The following BTD variants were observed in gnomAD, a reference collection of about 807,000 sequenced individuals.
BTD encodes the protein biotinidase, also known as biocytinase.
In BTD, 13 loss-of-function variants were observed where a neutral mutation model predicts 17.7. That is an observed-to-expected ratio of 0.74 (90% CI 0.48 to 1.17). The LOEUF (loss-of-function observed/expected upper bound fraction) is 1.17. BTD is among the 50% of genes most tolerant of loss of function. The pLI is 0.00. For missense variants in BTD, 674 were observed against 650.4 expected (o/e 1.04, Z -0.39); for synonymous variants, 240 against 245.2 (o/e 0.98, Z 0.20).
chr3:15,683,550 A>C (rs1037679275), intron 3 of BTD, among the ~76,000 whole-genome samples: 1 of 152,198 alleles, frequency 6.6e-6, no homozygotes, highest in Non-Finnish European at 1.5e-5. Flanking sequence ...AAGAGACTAA[A>C]CTAGCTTGTT....
chr3:15,651,148 T>C lies in BTD; in HGVS notation c.*5660T>C, dbSNP rs948416185. 1.3e-4 allele frequency among the ~76,000 whole-genome samples: 20 copies of C among 152,114 alleles called. No individual in the cohort carries two copies. The highest frequency in any genetic ancestry group is 4.8e-4 in the African/African-American group (20 of 41,418). On this transcript the variant is annotated 3_prime_UTR_variant, in exon 4 of 4. Transcript: ENST00000643237. ...AGGGATGATAGGCTTAGCTCTGACC[T>C]GAAATTCATGGATTGAGGGGTGGGG...
chr3:15,656,570 A>G (rs1194882837), downstream of BTD, among the ~76,000 whole-genome samples: 1 of 152,224 alleles, frequency 6.6e-6, no homozygotes, highest in Non-Finnish European at 1.5e-5. Flanking sequence ...TGCCTTGCTG[A>G]GAAAACTTTT....
chr3:15,630,097 A>G, intron 1 of BTD: 5 of 985,370 alleles, frequency 5.1e-6, no homozygotes, highest in Non-Finnish European at 6.0e-6. Context: ...AACAAATTCA[A>G]AAAGATGCCA....
In BTD at chr3:15,650,591, C is replaced by A. The variant is rs1559604622; in HGVS notation, c.*5103C>A. On this transcript the variant is annotated 3_prime_UTR_variant, in exon 4 of 4. Coordinates refer to ENST00000643237, the MANE Select transcript of BTD (RefSeq NM_001370658.1). ...TTTATCATTTTCTCCCACAGACAGA[C>A]TCTCGTGTAGTTGCAACAATGGCCA... Among the ~76,000 whole-genome samples the A allele has an allele frequency of 6.6e-6, 1 of 152,192 alleles. No homozygotes were observed. The highest frequency in any genetic ancestry group is 2.4e-5 in the African/African-American group (1 of 41,446).
At chr3:15,642,111 T>A in intron 3 of BTD, 54 bp downstream of exon 3, 1 of 1,608,446 alleles carries the variant, frequency 6.2e-7, no homozygotes, top group South Asian at 1.1e-5. Flanking sequence ...GTGATCTAAG[T>A]CAGGGACCAG....
chr3:15,634,902 C>T (rs768568114), intron 1 of BTD, among the ~76,000 whole-genome samples: 3 of 152,172 alleles, frequency 2.0e-5, no homozygotes, highest in Non-Finnish European at 2.9e-5. Flanking sequence ...GTATTTATTA[C>T]TAACCAAAGA....
At chr3:15,671,238 C>T (rs142566183) in intron 3 of BTD, among the ~76,000 whole-genome samples, 3 of 152,114 alleles carry the variant, frequency 2.0e-5, no homozygotes, top group East Asian at 1.9e-4. Flanking sequence ...TGACCTTAGT[C>T]GTAAGTTACC....
At chr3:15,718,377 A>T (rs1467423105) in intron 4 of BTD, among the ~76,000 whole-genome samples, 3 of 152,188 alleles carry the variant, frequency 2.0e-5, no homozygotes, top group African/African-American at 7.2e-5. Context: ...TTTGCTAAAA[A>T]ATTCACTTGT....
chr3:15,706,866 C>A (rs958193164), intron 3 of BTD, among the ~76,000 whole-genome samples: 1 of 152,042 alleles, frequency 6.6e-6, no homozygotes, highest in Non-Finnish European at 1.5e-5. Context: ...TTTCATGTGT[C>A]TGTTGGCTGC....
intron 1 of BTD, among the ~76,000 whole-genome samples, chr3:15,608,791 G>A (rs1410017678): frequency 1.3e-5 from 2 of 151,448 alleles, no homozygotes; most frequent in Non-Finnish European, 2.9e-5. Flanking sequence ...AGAAATCATA[G>A]TATTTCTCCG....
chr3:15,703,736 T>C (rs1185359947), intron 3 of BTD, among the ~76,000 whole-genome samples: 1 of 152,140 alleles, frequency 6.6e-6, no homozygotes, highest in East Asian at 1.9e-4. Flanking sequence ...GAAACAAATA[T>C]CTAAAATGTG....
chr3:15,614,080 T>C (rs1323479769), intron 1 of BTD, among the ~76,000 whole-genome samples: 1 of 151,874 alleles, frequency 6.6e-6, no homozygotes. Context: ...ACATGTGTAA[T>C]GTGTCATGTG....
At position 15,601,883 on chromosome 3, in the gene BTD, C is replaced by T. The variant is rs2125312689; in HGVS notation, c.-28C>T. The T allele has an allele frequency of 6.2e-7, 1 of 1,614,018 alleles. No individual in the cohort carries two copies. The highest frequency in any genetic ancestry group is 1.1e-5 in the South Asian group (1 of 91,062). On this transcript the variant is annotated 5_prime_UTR_variant, in exon 1 of 4. Transcript: ENST00000643237. ...ATGCGCATATTCAGGGCGGAAGGCG[C>T]GCTAAGAGCAGGTACGGAGGGGGCG... is the stretch of plus-strand genomic sequence containing the variant.
chr3:15,643,470 C>T (rs1050817296), intron 3 of BTD, among the ~76,000 whole-genome samples: 1 of 151,938 alleles, frequency 6.6e-6, no homozygotes, highest in Non-Finnish European at 1.5e-5. Context: ...CACTGCACTC[C>T]AGCCTGGGCG....
chr3:15,631,476 A>C (rs1334616254), intron 1 of BTD: 3 of 1,535,020 alleles, frequency 2.0e-6, no homozygotes, highest in Non-Finnish European at 2.6e-6. Flanking sequence ...GCTAATTATT[A>C]AGATGAATCA....
intron 3 of BTD, chr3:15,677,403 T>G: frequency 9.2e-7 from 1 of 1,085,174 alleles, no homozygotes; most frequent in Non-Finnish European, 1.4e-6. Context: ...GAGTTGTTCA[T>G]TTTAGTGAAG....
Position 15,648,418 on chromosome 3 carries a change from G to A in BTD, c.*2930G>A, listed in dbSNP as rs74969344. Among the ~76,000 whole-genome samples the A allele has an allele frequency of 4.4e-3, 672 of 152,342 alleles. 8 individuals are homozygous for A. The highest frequency in any genetic ancestry group is 0.015 in the South Asian group (73 of 4,832). The stretch of plus-strand genomic sequence containing the variant: ...GAAAGGTCCTGGTCTCCTGGCTTCA[G>A]TCTTTCATTCCCTAACCTCCCTTTG... On this transcript the variant is annotated 3_prime_UTR_variant, in exon 4 of 4. Transcript: ENST00000643237.
At chr3:15,698,495 C>T (rs1285107764) in intron 3 of BTD, among the ~76,000 whole-genome samples, 3 of 152,298 alleles carry the variant, frequency 2.0e-5, no homozygotes, top group South Asian at 4.1e-4. Flanking sequence ...AAAACCCCAT[C>T]GTCTCAGCTC....
intron 1 of BTD, among the ~76,000 whole-genome samples, chr3:15,620,597 C>G (rs1047971718): frequency 9.2e-5 from 14 of 152,152 alleles, no homozygotes; most frequent in Non-Finnish European, 2.1e-4. Flanking sequence ...ACAGTTAGCA[C>G]AATTATCACA....
Sources: gnomAD v4.1 joint callset for allele counts (sites outside exome capture counted in the v4.1 genomes callset) on GRCh38, gnomAD v4.1.1 for gene constraint, MANE v1.5 for transcripts, NCBI Gene and HGNC (gene_info 2026-07-23, HGNC 2026-07-21) for gene names.